Variants in PUS3 observed in about 807,000 individuals in gnomAD.
PUS3 encodes the protein tRNA pseudouridine(38/39) synthase.
A neutral mutation model predicts 43.3 loss-of-function variants in PUS3; 36 were observed. The ratio of observed to expected loss-of-function variants is 0.83; its 90% CI spans 0.64 to 1.10. The LOEUF is 1.10. Ranked by LOEUF, PUS3 falls within the 50% of genes least tolerant of loss-of-function variation. PUS3 has a pLI of 0.00. For synonymous variants in PUS3, 183 were observed against 199.2 expected, an observed-to-expected ratio of 0.92 and a Z score of 0.69; for missense variants, 544 against 589.9, an observed-to-expected ratio of 0.92 and a Z score of 0.81.
At chr11:125,900,282 TCTTTC>T in intron 1 of PUS3, 1 of 1,612,818 alleles carries the variant, frequency 6.2e-7, no homozygotes, top group African/African-American at 1.3e-5. Context: ...TTTTTAAACT[TCTTTC>T]ACAGGATTGT....
intron 1 of PUS3, chr11:125,900,080 C>A (rs367894289): frequency 6.2e-7 from 1 of 1,614,144 alleles, no homozygotes; most frequent in Non-Finnish European, 8.5e-7. Flanking sequence ...AAAGGAATTA[C>A]GCTGGGGTGT....
In PUS3 at chr11:125,895,165, A is replaced by C. The variant is rs139186616; in HGVS notation, c.944+59T>G. On this transcript the variant is annotated intron_variant, in intron 3 of 3. Transcript: ENST00000227474. The stretch of plus-strand genomic sequence containing the variant: ...GGCTTCAAGCAATTCTTGTGCCTCA[A>C]GCGTCCCGAGTAGCTGGGACTACAG... 1,337 of 1,396,888 alleles carry C rather than the reference A, an allele frequency of 9.6e-4. 7 individuals carry two copies. The African/African-American group carries it at 0.017, about 18-fold the overall frequency. 86.5% of individuals were successfully genotyped at this position (1,396,888 alleles called of 1,614,324 possible). A position where few individuals can be genotyped will look rare whatever the true frequency, so the allele number is the denominator to read the frequency against.
At position 125,893,712 on chromosome 11, in the gene PUS3, TA is replaced by T; in HGVS notation, c.*72del. On this transcript the variant is annotated 3_prime_UTR_variant, in exon 4 of 4. Coordinates refer to ENST00000227474, the MANE Select transcript of PUS3 (RefSeq NM_031307.4). ...CATCTGAATTCCTAGTACTTGCAAGTAAATTTTTTTTTTTTTCCTTTTCTGT... is the reference window on the plus strand; with the variant it reads ...CATCTGAATTCCTAGTACTTGCAAGTAATTTTTTTTTTTTTCCTTTTCTGT... 1.5e-6 allele frequency: 2 copies of T among 1,318,604 alleles called. No homozygotes were observed. The highest frequency in any genetic ancestry group is 2.5e-5 in the East Asian group (1 of 40,044). 81.7% of individuals were successfully genotyped at this position (1,318,604 alleles called of 1,614,324 possible). A position where few individuals can be genotyped will look rare whatever the true frequency, so the allele number is the denominator to read the frequency against.
Position 125,894,165 on chromosome 11 carries a change from C to T in PUS3, c.1066G>A (p.Ala356Thr), listed in dbSNP as rs779598027. ...THLQQLWANH[A>T]VKTHMLYSML... ...CTATACAACATGTGAGTTTTGACAG[C>T]ATGATTAGCCCACAGTTGTTGTAGG... Residue 356 changes from alanine to threonine, a missense_variant, in exon 4 of 4, where the codon GCT becomes ACT. Physicochemically the swap from Ala to Thr is moderately conservative, Grantham distance 58 (BLOSUM62 0). Coordinates refer to ENST00000227474, the MANE Select transcript of PUS3 (RefSeq NM_031307.4). The T allele has an allele frequency of 6.2e-7, 1 of 1,614,162 alleles. No homozygotes were observed. Among genetic ancestry groups the T allele is most frequent in the South Asian group, 1.1e-5 (1 of 91,082 alleles).
intron 1 of PUS3, among the ~76,000 whole-genome samples, chr11:125,898,432 T>C (rs191242707): frequency 5.3e-5 from 8 of 152,264 alleles, no homozygotes; most frequent in East Asian, 1.9e-4. Flanking sequence ...ACCCCTGTAA[T>C]GGGAGGCCGA....
rs546782019 is a variant in PUS3, at chr11:125,898,207, G to A, written c.-46-1877C>T. On this transcript the variant is annotated intron_variant, in intron 1 of 3. Coordinates refer to ENST00000227474, the MANE Select transcript of PUS3 (RefSeq NM_031307.4). The stretch of plus-strand genomic sequence containing the variant: ...GAAAATCCTTGCTTAAAATTATCAT[G>A]TGCATGTATTAGTTTTTCAGTTTAA... 2.0e-5 allele frequency among the ~76,000 whole-genome samples: 3 copies of A among 152,244 alleles called. No individual in the cohort carries two copies. In the South Asian group the frequency reaches 6.2e-4, roughly 32 times the overall value.
chr11:125,899,991 G>A (rs1459437109), intron 1 of PUS3: 11 of 1,614,214 alleles, frequency 6.8e-6, no homozygotes, highest in Non-Finnish European at 8.5e-6. Flanking sequence ...CGAAACCGGG[G>A]CAAGACAGAC....
rs1944555038 is a variant in PUS3 at position 125,895,496 on chromosome 11, G to A, written c.672C>T (p.Asn224=). ...CGTTGGCTACATCCATTTTACACAAGTTCCTGAAATCATGGGTGCCAACAT... is the reference window on the plus strand; with the variant it reads ...CGTTGGCTACATCCATTTTACACAAATTCCTGAAATCATGGGTGCCAACAT... ...QKYVGTHDFR[N]LCKMDVANGV... is the part of the protein sequence containing the mutation. Residue 224 remains asparagine (N), a synonymous_variant, in exon 3 of 4, where the codon AAC becomes AAT. Coordinates refer to ENST00000227474, the MANE Select transcript of PUS3 (RefSeq NM_031307.4). The A allele has an allele frequency of 1.9e-6, 3 of 1,614,030 alleles. No homozygotes were observed. Among genetic ancestry groups the A allele is most frequent in the Non-Finnish European group, 2.5e-6 (3 of 1,180,044 alleles).
chr11:125,903,204 A>C lies in PUS3; in HGVS notation c.-81T>G. ...GCCGGCCGCGCCGCGTTTCCGAGAA[A>C]GGAAGCTGTCACTGTGCGTCTTCTG... On this transcript the variant is annotated 5_prime_UTR_variant, in exon 1 of 4. Coordinates refer to ENST00000227474, the MANE Select transcript of PUS3 (RefSeq NM_031307.4). 1.0e-6 allele frequency: 1 copy of C among 985,456 alleles called. No homozygotes were observed. Among genetic ancestry groups the C allele is most frequent in the Non-Finnish European group, 1.2e-6 (1 of 829,936 alleles). 61.0% of individuals were successfully genotyped at this position (985,456 alleles called of 1,614,324 possible). A position where few individuals can be genotyped will look rare whatever the true frequency, so the allele number is the denominator to read the frequency against.
rs370082947 is a variant in PUS3 at position 125,895,651 on chromosome 11, G to A, written c.517C>T (p.Arg173Cys). The change falls in exon 3 of 4, where the codon CGT (arginine) becomes TGT (cysteine). Residue 173 changes from arginine to cysteine, a missense_variant. Arg to Cys is a radical substitution (Grantham distance 180). Coordinates refer to ENST00000227474, the MANE Select transcript of PUS3 (RefSeq NM_031307.4). The stretch of plus-strand genomic sequence containing the variant: ...TCTACAGGGGCCCAGGCCAATATAC[G>A]GATGTCTGGAGGGAGTACCCGATTG... ...ILNRVLPPDI[R>C]ILAWAPVEPS... 33 of 1,614,092 alleles carry A rather than the reference G, an allele frequency of 2.0e-5. No homozygotes were observed. Among genetic ancestry groups the A allele is most frequent in the Non-Finnish European group, 2.4e-5 (28 of 1,180,040 alleles).
Position 125,896,258 on chromosome 11 carries a change from G to C in PUS3, c.27C>G (p.Asn9Lys). The change falls in exon 2 of 4, where the codon AAC becomes AAG. Residue 9 changes from asparagine (N) to lysine (K), a missense_variant. Physicochemically the swap from Asn to Lys is moderately conservative, Grantham distance 94. Transcript: ENST00000227474. ...CTCTTTTTAGGAGCTTCTCAGTCTGGTTTCTGTCTGTGTCATTATAAGCCA... is the reference window on the plus strand; with the variant it reads ...CTCTTTTTAGGAGCTTCTCAGTCTGCTTTCTGTCTGTGTCATTATAAGCCA... Reference protein sequence around the residue: MAYNDTDRNQTEKLLKRVR... With the variant: MAYNDTDRKQTEKLLKRVR... The C allele has an allele frequency of 6.2e-7, 1 of 1,611,804 alleles. No homozygotes were observed. Among genetic ancestry groups the C allele is most frequent in the Non-Finnish European group, 8.5e-7 (1 of 1,178,192 alleles).
At chr11:125,896,516 C>A (rs1313596478) in intron 1 of PUS3, among the ~76,000 whole-genome samples, 186 bp from the exon 2 acceptor site, 1 of 152,188 alleles carries the variant, frequency 6.6e-6, no homozygotes, top group African/African-American at 2.4e-5. Context: ...CTGGCCAGTT[C>A]ACAGAGGGAA....
Position 125,903,203 on chromosome 11 carries a change from A to C in PUS3, c.-80T>G, listed in dbSNP as rs1465022089. 18 of 985,338 alleles carry C rather than the reference A, an allele frequency of 1.8e-5. No individual in the cohort carries two copies. Among genetic ancestry groups the C allele is most frequent in the Non-Finnish European group, 2.2e-5 (18 of 829,934 alleles). The allele number at this position is 985,338 out of a possible 1,614,324, so 61.0% of individuals were successfully genotyped here. On this transcript the variant is annotated 5_prime_UTR_variant, in exon 1 of 4. Coordinates refer to ENST00000227474, the MANE Select transcript of PUS3 (RefSeq NM_031307.4). Reference sequence around the variant, plus strand: ...AGCCGGCCGCGCCGCGTTTCCGAGAAAGGAAGCTGTCACTGTGCGTCTTCT... The same window carrying C: ...AGCCGGCCGCGCCGCGTTTCCGAGACAGGAAGCTGTCACTGTGCGTCTTCT...
rs1281078240 is a variant in PUS3 at position 125,894,273 on chromosome 11, A to T, written c.958T>A (p.Phe320Ile). 6.2e-7 allele frequency: 1 copy of T among 1,606,534 alleles called. No homozygotes were observed. The highest frequency in any genetic ancestry group is 1.3e-5 in the African/African-American group (1 of 74,712). The change falls in exon 4 of 4, where the codon TTT becomes ATT. Residue 320 changes from phenylalanine to isoleucine, a missense_variant. Phe to Ile is a conservative substitution (Grantham distance 21). Coordinates refer to ENST00000227474, the MANE Select transcript of PUS3 (RefSeq NM_031307.4). Reference sequence around the variant, plus strand: ...TTACAGTCATATAAGACTAGAGGAAATTCTACAGCCATACTAGAGAAAAAG... The same window carrying T: ...TTACAGTCATATAAGACTAGAGGAATTTCTACAGCCATACTAGAGAAAAAG... ...QKPQYSMAVE[F>I]PLVLYDCKFE...
chr11:125,896,446 T>C, intron 1 of PUS3, 116 bp from the exon 2 acceptor site: 2 of 677,570 alleles, frequency 3.0e-6, no homozygotes, highest in Middle Eastern at 4.0e-4. Context: ...TTTCCAGGAA[T>C]ACAAGCATTA....
rs147819667 is a variant in PUS3 at position 125,895,264 on chromosome 11, G to A, written c.904C>T (p.Leu302=). The A allele has an allele frequency of 1.3e-4, 208 of 1,605,880 alleles. No homozygotes were observed. Among genetic ancestry groups the A allele is most frequent in the Non-Finnish European group, 1.7e-4 (204 of 1,177,484 alleles). Residue 302 remains leucine (L), a synonymous_variant, in exon 3 of 4, where the codon CTG becomes TTG. Coordinates refer to ENST00000227474, the MANE Select transcript of PUS3 (RefSeq NM_031307.4). Reference sequence around the variant, plus strand: ...TGGGGATTTTTCTCTATATTCAGCAGCTCATCAATAATCTCTGGCTTCTCC... The same window carrying A: ...TGGGGATTTTTCTCTATATTCAGCAACTCATCAATAATCTCTGGCTTCTCC... ...GMEKPEIIDE[L]LNIEKNPQKP...
At chr11:125,898,213 G>T (rs1944647658) in intron 1 of PUS3, among the ~76,000 whole-genome samples, 1 of 152,154 alleles carries the variant, frequency 6.6e-6, no homozygotes, top group South Asian at 2.1e-4. Context: ...TCATGTGCAT[G>T]TATTAGTTTT....
At chr11:125,894,582 A>AT (rs1214177436) in intron 3 of PUS3, among the ~76,000 whole-genome samples, 1 of 152,186 alleles carries the variant, frequency 6.6e-6, no homozygotes, top group East Asian at 1.9e-4. Context: ...TTTTTTCCAA[A>AT]TTTGTTAATG....
rs889331495 is a variant in PUS3, at chr11:125,893,567, C to T, written c.*218G>A. 3.9e-5 allele frequency: 17 copies of T among 431,768 alleles called. No individual in the cohort carries two copies. The highest frequency in any genetic ancestry group is 6.1e-4 in the Middle Eastern group (1 of 1,632). The allele number at this position is 431,768 out of a possible 1,614,324, so 26.7% of individuals were successfully genotyped here. A position where few individuals can be genotyped will look rare whatever the true frequency, so the allele number is the denominator to read the frequency against. ...TGTAAATACATCTCCATTTTACGTT[C>T]TTTAATCGCTTAATCCTTTTGGACC... On this transcript the variant is annotated 3_prime_UTR_variant, in exon 4 of 4. Transcript: ENST00000227474.
Sources: gnomAD v4.1 joint callset for allele counts (sites outside exome capture counted in the v4.1 genomes callset) on GRCh38, gnomAD v4.1.1 for gene constraint, MANE v1.5 for transcripts, NCBI Gene and HGNC (gene_info 2026-07-23, HGNC 2026-07-21) for gene names.